The following LYSMD1 variants were observed in gnomAD, a reference collection of about 807,000 sequenced individuals.
LYSMD1 encodes lysM and putative peptidoglycan-binding domain-containing protein 1.
A neutral mutation model predicts 19.3 loss-of-function variants in LYSMD1; 9 were observed. That is an observed-to-expected ratio of 0.47 (90% CI 0.28 to 0.81). The LOEUF is 0.81. LYSMD1 is among the 40% of genes least tolerant of loss of function. The pLI, the probability that LYSMD1 is intolerant of heterozygous loss-of-function variation, is 0.11. For synonymous variants in LYSMD1, 111 were observed against 111.7 expected, an observed-to-expected ratio of 0.99 and a Z score of 0.04; for missense variants, 262 against 279.8, an observed-to-expected ratio of 0.94 and a Z score of 0.45.
chr1:151,157,765 G>A (rs1431643862), downstream of LYSMD1, among the ~76,000 whole-genome samples: 1 of 152,206 alleles, frequency 6.6e-6, no homozygotes, highest in Non-Finnish European at 1.5e-5. Context: ...TAAGATGACT[G>A]ACGTAAAGCA....
Position 151,160,735 on chromosome 1 carries a change from A to G in LYSMD1, c.*147T>C, listed in dbSNP as rs1365046589. ...CAATAAAACTGCCCCAGGCCAAGGAATTTTTGGCAGACAAGGAGGCTGGGG... is the reference window on the plus strand; with the variant it reads ...CAATAAAACTGCCCCAGGCCAAGGAGTTTTTGGCAGACAAGGAGGCTGGGG... On this transcript the variant is annotated 3_prime_UTR_variant, in exon 3 of 3. Coordinates refer to ENST00000368908, the MANE Select transcript of LYSMD1 (RefSeq NM_212551.5). 2.0e-6 allele frequency: 2 copies of G among 992,676 alleles called. No individual in the cohort carries two copies. The highest frequency in any genetic ancestry group is 2.5e-5 in the East Asian group (1 of 39,442). The allele number at this position is 992,676 out of a possible 1,614,324, so 61.5% of individuals were successfully genotyped here.
At chr1:151,154,478 CAAAA>C in the LYSMD1 span, among the ~76,000 whole-genome samples, 68 of 83,230 alleles carry the variant, frequency 8.2e-4, no homozygotes, top group Admixed American at 2.5e-3. Context: ...AAGACTCTGT[CAAAA>C]AAAAAAAGAA....
At chr1:151,151,497 C>T in the LYSMD1 span, among the ~76,000 whole-genome samples, 2 of 151,224 alleles carry the variant, frequency 1.3e-5, no homozygotes, top group South Asian at 4.2e-4. Context: ...CTGCGCCCGG[C>T]CACAATAAAC....
chr1:151,161,168 C>G, intron 2 of LYSMD1, 148 bp from the exon 3 acceptor site: 1 of 761,752 alleles, frequency 1.3e-6, no homozygotes, highest in Non-Finnish European at 2.1e-6. Context: ...AATCCTAACC[C>G]TAATGCTCCT....
At chr1:151,158,549 C>A, downstream of LYSMD1, 1 of 789,554 alleles carries the variant, frequency 1.3e-6, no homozygotes, top group Non-Finnish European at 2.0e-6. Flanking sequence ...ACTGAGGGGC[C>A]CCAGGGGGCG....
At chr1:151,156,894 C>T (rs1683240615), downstream of LYSMD1, among the ~76,000 whole-genome samples, 1 of 152,094 alleles carries the variant, frequency 6.6e-6, no homozygotes, top group South Asian at 2.1e-4. Context: ...CTCTGAAAGA[C>T]CTGGTTTTGG....
downstream of LYSMD1, chr1:151,156,753 CTT>C (rs1187081098): frequency 6.6e-6 from 1 of 152,234 alleles, no homozygotes; most frequent in Non-Finnish European, 1.5e-5. Context: ...GAATGGTAGA[CTT>C]TAGGGGTAAT....
chr1:151,164,941 G>C, intron 1 of LYSMD1, 138 bp downstream of exon 1: 1 of 719,674 alleles, frequency 1.4e-6, no homozygotes, highest in South Asian at 2.0e-5. Context: ...ACTGTGATGG[G>C]AAAACAAAGA....
rs750400879 is a variant in LYSMD1, at chr1:151,165,160, G to A, written c.99C>T (p.Ser33=). The part of the protein sequence containing the change: ...SYGSLVQSAC[S]PVRERRLEHQ... ...GCTCCAGGCGTCTTTCCCTCACTGG[G>A]GAGCAGGCCGATTGCACCAGGCTTC... Residue 33 remains serine, a synonymous_variant, in exon 1 of 3, where the codon TCC becomes TCT. Coordinates refer to ENST00000368908, the MANE Select transcript of LYSMD1 (RefSeq NM_212551.5). The A allele has an allele frequency of 5.6e-6, 9 of 1,614,170 alleles. No homozygotes were observed. The highest frequency in any genetic ancestry group is 1.1e-5 in the South Asian group (1 of 91,078).
chr1:151,160,726 G>A lies in LYSMD1; in HGVS notation c.*156C>T, dbSNP rs1002956926. On this transcript the variant is annotated 3_prime_UTR_variant, in exon 3 of 3. Transcript: ENST00000368908. ...TAATCTTGCCAATAAAACTGCCCCA[G>A]GCCAAGGAATTTTTGGCAGACAAGG... 4.0e-5 allele frequency: 35 copies of A among 878,588 alleles called. No individual in the cohort carries two copies. The highest frequency in any genetic ancestry group is 5.8e-5 in the Non-Finnish European group (34 of 588,240). The allele number at this position is 878,588 out of a possible 1,614,324, so 54.4% of individuals were successfully genotyped here.
At chr1:151,157,988 C>G (rs1683282020), downstream of LYSMD1, among the ~76,000 whole-genome samples, 1 of 152,190 alleles carries the variant, frequency 6.6e-6, no homozygotes, top group Non-Finnish European at 1.5e-5. Context: ...CTATGCCACA[C>G]AGACATATGG....
chr1:151,156,055 A>AC (rs2101677566), downstream of LYSMD1, among the ~76,000 whole-genome samples: 1 of 128,356 alleles, frequency 7.8e-6, no homozygotes, highest in South Asian at 2.6e-4. Context: ...AGCCGAGATC[A>AC]CCCCATTGCA....
chr1:151,149,737 C>T, the LYSMD1 span, among the ~76,000 whole-genome samples: 1 of 152,078 alleles, frequency 6.6e-6, no homozygotes, highest in African/African-American at 2.4e-5. Context: ...GGCAACAGAG[C>T]GAGACTCCAT....
the LYSMD1 span, among the ~76,000 whole-genome samples, chr1:151,150,842 C>T: frequency 2.8e-4 from 42 of 151,486 alleles, no homozygotes; most frequent in Non-Finnish European, 4.4e-4. Flanking sequence ...TGGGTTCAAG[C>T]GCTTCTCCAT....
chr1:151,159,078 G>A, downstream of LYSMD1: 1 of 1,614,140 alleles, frequency 6.2e-7, no homozygotes, highest in Non-Finnish European at 8.5e-7. Flanking sequence ...GGGATGTGCT[G>A]CTAGAGTTGG....
chr1:151,153,849 G>A, the LYSMD1 span, among the ~76,000 whole-genome samples: 2 of 151,108 alleles, frequency 1.3e-5, no homozygotes, highest in African/African-American at 4.9e-5. Context: ...AGCTACTCAG[G>A]AGGCTGAGGC....
downstream of LYSMD1, among the ~76,000 whole-genome samples, chr1:151,155,238 A>C (rs1439881801): frequency 6.6e-6 from 1 of 152,128 alleles, no homozygotes; most frequent in Non-Finnish European, 1.5e-5. Context: ...ATCTCTGGCT[A>C]TTAAGTAGTT....
At position 151,165,174 on chromosome 1, in the gene LYSMD1, G is replaced by C. The variant is rs1481810568; in HGVS notation, c.85C>G (p.Gln29Glu). ...TCCCTCACTGGGGAGCAGGCCGATT[G>C]CACCAGGCTTCCATATGAACGAGCC... ...SRARSYGSLV[Q>E]SACSPVRERR... Residue 29 changes from glutamine (Q) to glutamate (E), a missense_variant, in exon 1 of 3, where the codon CAA (glutamine) becomes GAA (glutamate). Physicochemically the swap from Gln to Glu is conservative, Grantham distance 29. Coordinates refer to ENST00000368908, the MANE Select transcript of LYSMD1 (RefSeq NM_212551.5). The C allele has an allele frequency of 1.9e-6, 3 of 1,614,176 alleles. No individual in the cohort carries two copies. The South Asian group carries it at 3.3e-5, about 18-fold the overall frequency.
chr1:151,151,884 G>A, the LYSMD1 span, among the ~76,000 whole-genome samples: 9 of 149,350 alleles, frequency 6.0e-5, no homozygotes, highest in East Asian at 4.0e-4. Context: ...AGGCAAGATC[G>A]CGCCATTGCA....
Sources: gnomAD v4.1 joint callset for allele counts (sites outside exome capture counted in the v4.1 genomes callset) on GRCh38, gnomAD v4.1.1 for gene constraint, MANE v1.5 for transcripts, NCBI Gene and HGNC (gene_info 2026-07-23, HGNC 2026-07-21) for gene names.